CLCN3: variants seen among roughly 807,000 people sequenced by gnomAD.
CLCN3 encodes H(+)/Cl(-) exchange transporter 3.
Under a neutral mutation model 83.4 loss-of-function variants are expected in CLCN3, and 16 were observed. The observed-to-expected ratio is 0.19, with a 90% CI of 0.13 to 0.29. The LOEUF is 0.29. CLCN3 is among the 10% of genes least tolerant of loss of function. The pLI is 1.00. For synonymous variants in CLCN3, 322 were observed against 346.2 expected, an observed-to-expected ratio of 0.93 and a Z score of 0.78; for missense variants, 544 against 1,006.0, an observed-to-expected ratio of 0.54 and a Z score of 6.21.
chr4:169,665,851 T>C (rs548977570), intron 2 of CLCN3, among the ~76,000 whole-genome samples: 1 of 152,304 alleles, frequency 6.6e-6, no homozygotes, highest in Non-Finnish European at 1.5e-5. Flanking sequence ...TAAATAACTA[T>C]ATGCATCATT....
Position 169,720,800 on chromosome 4 carries a change from C to A in CLCN3, c.*803C>A, listed in dbSNP as rs998416561. On this transcript the variant is annotated 3_prime_UTR_variant, in exon 13 of 13. Transcript: ENST00000513761. ...GAGAACGAAATCTCTCATTGTGTGC[C>A]GTGTGGCTCAAAACCGAAAACAATG... 9.8e-5 allele frequency: 15 copies of A among 152,580 alleles called. 1 individual carries two copies. Among genetic ancestry groups the A allele is most frequent in the Admixed American group, 9.8e-4 (15 of 15,276 alleles). 9.5% of individuals were successfully genotyped at this position (152,580 alleles called of 1,614,324 possible).
intron 3 of CLCN3, among the ~76,000 whole-genome samples, chr4:169,683,054 T>C (rs1732009317): frequency 6.6e-6 from 1 of 152,192 alleles, no homozygotes; most frequent in African/African-American, 2.4e-5. Flanking sequence ...TCTTGTATGA[T>C]CATTAGGTAA....
At chr4:169,698,706 A>G (rs150822239) in intron 9 of CLCN3, among the ~76,000 whole-genome samples, 2 of 152,344 alleles carry the variant, frequency 1.3e-5, no homozygotes, top group African/African-American at 2.4e-5. Flanking sequence ...CCACAACTTA[A>G]TGGCTTAAAA....
At chr4:169,693,085 A>AT (rs960504388) in intron 7 of CLCN3, among the ~76,000 whole-genome samples, 2 of 152,110 alleles carry the variant, frequency 1.3e-5, no homozygotes, top group Admixed American at 1.3e-4. Context: ...TTAAGATATG[A>AT]TTTTTTGAAA....
chr4:169,650,311 G>T (rs1730696484), intron 2 of CLCN3, among the ~76,000 whole-genome samples: 1 of 152,176 alleles, frequency 6.6e-6, no homozygotes, highest in South Asian at 2.1e-4. Flanking sequence ...ACAGTATAAA[G>T]TTGTGGTATA....
At position 169,690,372 on chromosome 4, in the gene CLCN3, C is replaced by G. The variant is rs543827470; in HGVS notation, c.607-158C>G. On this transcript the variant is annotated intron_variant, in intron 5 of 12. Coordinates refer to ENST00000513761, the MANE Select transcript of CLCN3 (RefSeq NM_001829.4). The stretch of plus-strand genomic sequence containing the variant: ...CATTGGCCAAGCTAGTCTCGAACTC[C>G]TGACCTCAGGTGATCCACCCGCCTC... Among the ~76,000 whole-genome samples the G allele has an allele frequency of 2.6e-5, 4 of 152,232 alleles. No individual in the cohort carries two copies. The South Asian group carries it at 6.2e-4, about 24-fold the overall frequency.
chr4:169,720,324 C>A lies in CLCN3; in HGVS notation c.*327C>A. ...CAGGCTTGCGCCTCAACAGAGATGA[C>A]AGCAGAGTCCTCGAGCACCTGGCCT... is the stretch of plus-strand genomic sequence containing the variant. On this transcript the variant is annotated 3_prime_UTR_variant, in exon 13 of 13. Transcript: ENST00000513761. The A allele has an allele frequency of 3.0e-6, 1 of 338,038 alleles. No individual in the cohort carries two copies. Among genetic ancestry groups the A allele is most frequent in the Non-Finnish European group, 5.3e-6 (1 of 187,148 alleles). 20.9% of individuals were successfully genotyped at this position (338,038 alleles called of 1,614,324 possible).
chr4:169,649,476 T>G (rs1456039091), intron 2 of CLCN3, among the ~76,000 whole-genome samples: 1 of 152,184 alleles, frequency 6.6e-6, no homozygotes, highest in East Asian at 1.9e-4. Context: ...GAAAAGAAAT[T>G]ATAGTGTCTA....
chr4:169,692,257 C>A lies in CLCN3; in HGVS notation c.873C>A (p.Cys291Ter). The A allele has an allele frequency of 6.2e-7, 1 of 1,613,548 alleles. No homozygotes were observed. ...KEGPLVHVACCCGNIFSYLFP... is the reference protein window; with the variant it reads ...KEGPLVHVAC ...GTCCCCTGGTACATGTTGCCTGTTGCTGCGGAAATATCTTTTCCTACCTCT... is the reference window on the plus strand; with the variant it reads ...GTCCCCTGGTACATGTTGCCTGTTGATGCGGAAATATCTTTTCCTACCTCT... Residue 291 changes from cysteine (C) to a stop codon, truncating the protein, a stop_gained, in exon 7 of 13, where the codon TGC becomes TGA. Transcript: ENST00000513761. LOFTEE classifies it high-confidence loss of function.
At chr4:169,635,617 A>G (rs975716175) in intron 1 of CLCN3, among the ~76,000 whole-genome samples, 1 of 151,860 alleles carries the variant, frequency 6.6e-6, no homozygotes, top group African/African-American at 2.4e-5. Flanking sequence ...CTTACTTGGA[A>G]CTCTCTCCTG....
At chr4:169,647,118 G>A (rs1730595641) in intron 2 of CLCN3, among the ~76,000 whole-genome samples, 1 of 152,178 alleles carries the variant, frequency 6.6e-6, no homozygotes, top group Non-Finnish European at 1.5e-5. Context: ...GGGCGTGGTG[G>A]CTCATGCCTG....
chr4:169,658,715 C>A (rs1375436042), intron 2 of CLCN3, among the ~76,000 whole-genome samples: 1 of 151,758 alleles, frequency 6.6e-6, no homozygotes, highest in African/African-American at 2.4e-5. Flanking sequence ...TTGAAAAATA[C>A]AGAAAATAAA....
chr4:169,663,442 GT>G, intron 2 of CLCN3: 1 of 248,922 alleles, frequency 4.0e-6, no homozygotes, highest in South Asian at 3.5e-5. Context: ...TAGATCCTCC[GT>G]CTCACCCTCC....
intron 2 of CLCN3, chr4:169,660,397 CCT>C: frequency 7.1e-7 from 1 of 1,402,490 alleles, no homozygotes; most frequent in African/African-American, 1.5e-5. Flanking sequence ...CCCTTATTTG[CCT>C]TATGACGGGG....
At chr4:169,643,106 T>A (rs1420167840) in intron 2 of CLCN3, 1 of 152,156 alleles carries the variant, frequency 6.6e-6, no homozygotes, top group Non-Finnish European at 1.5e-5. Context: ...ATTTAGCTAG[T>A]TTTTCTTTAG....
chr4:169,701,372 C>G (rs1470190592), intron 9 of CLCN3, among the ~76,000 whole-genome samples: 1 of 152,200 alleles, frequency 6.6e-6, no homozygotes, highest in Non-Finnish European at 1.5e-5. Flanking sequence ...ACTTCTTCAA[C>G]TGAAGTCTTG....
intron 2 of CLCN3, among the ~76,000 whole-genome samples, chr4:169,679,110 C>T (rs1426178464): frequency 3.4e-5 from 5 of 146,092 alleles, no homozygotes; most frequent in Non-Finnish European, 7.5e-5. Context: ...GGCTGCCGGG[C>T]GGAGGGGCTC....
intron 12 of CLCN3, among the ~76,000 whole-genome samples, chr4:169,714,589 C>T (rs1261218207): frequency 6.6e-6 from 1 of 152,104 alleles, no homozygotes; most frequent in Non-Finnish European, 1.5e-5. Flanking sequence ...TACTATTTTG[C>T]ACTGTAAGTG....
In CLCN3 at chr4:169,706,857, A is replaced by T; in HGVS notation, c.1751-11A>T. 1.9e-6 allele frequency: 3 copies of T among 1,603,892 alleles called. No homozygotes were observed. The highest frequency in any genetic ancestry group is 8.5e-7 in the Non-Finnish European group (1 of 1,172,550). On this transcript the variant is annotated splice_polypyrimidine_tract_variant and intron_variant, in intron 10 of 12. Transcript: ENST00000513761. ...TGTCCTTCCTGACCAGTGGGTGCTT[A>T]CTTTTTTCAGGTGGTGTGACAAGAA...
Sources: allele counts gnomAD v4.1 joint callset (sites outside exome capture counted in the v4.1 genomes callset), GRCh38; gene constraint gnomAD v4.1.1; transcripts MANE v1.5; gene names NCBI Gene and HGNC (gene_info 2026-07-23, HGNC 2026-07-21).